Variants in ZBTB20 observed in about 807,000 individuals in gnomAD.
ZBTB20 encodes zinc finger and BTB domain-containing protein 20.
In ZBTB20, 9 loss-of-function variants were observed where a neutral mutation model predicts 56.9. The observed-to-expected ratio is 0.16, with a 90% CI of 0.10 to 0.28. The LOEUF is 0.28. Among genes scored for constraint, ZBTB20 ranks in the 10% least tolerant of loss-of-function variants. The pLI is 1.00. For synonymous variants in ZBTB20, 417 were observed against 420.7 expected (o/e 0.99, Z 0.11); for missense variants, 655 against 1,003.0 (o/e 0.65, Z 4.69).
chr3:114,778,241 A>C (rs1407670688), intron 5 of ZBTB20, among the ~76,000 whole-genome samples: 3 of 117,630 alleles, frequency 2.6e-5, no homozygotes, highest in African/African-American at 9.0e-5. Flanking sequence ...AACTTAAAGT[A>C]TGTTAATAAT....
chr3:114,339,241 A>C lies in ZBTB20; in HGVS notation c.1990T>G (p.Cys664Gly). 1.2e-6 allele frequency: 2 copies of C among 1,614,026 alleles called. No individual in the cohort carries two copies. Among genetic ancestry groups the C allele is most frequent in the Non-Finnish European group, 1.7e-6 (2 of 1,179,996 alleles). The stretch of plus-strand genomic sequence containing the variant: ...GAGAACTTCTTTTTGCAGATGTAGC[A>C]CTCGTAGGACTTCTCTCCCCGGTGG... ...RLHRGEKSYE[C>G]YICKKKFSHK... Residue 664 changes from cysteine (C) to glycine (G), a missense_variant, in exon 12 of 12, where the codon TGC (cysteine) becomes GGC (glycine). Physicochemically the swap from Cys to Gly is radical, Grantham distance 159. Transcript: ENST00000675478. This position sits in a 1 kb window ranked among gnomAD's most constrained non-coding sequence, Gnocchi z 4.2.
At chr3:114,554,290 T>A (rs2050930698) in intron 6 of ZBTB20, among the ~76,000 whole-genome samples, 1 of 152,184 alleles carries the variant, frequency 6.6e-6, no homozygotes, top group Non-Finnish European at 1.5e-5. Context: ...ATAGCACGTG[T>A]CCTTTTCTTT....
At chr3:114,515,895 T>G (rs995403065) in intron 6 of ZBTB20, among the ~76,000 whole-genome samples, 3 of 152,208 alleles carry the variant, frequency 2.0e-5, no homozygotes, top group Non-Finnish European at 4.4e-5. Flanking sequence ...AACCATCTTT[T>G]GCAGACTTTA....
At chr3:114,615,056 C>T (rs973238526) in intron 6 of ZBTB20, among the ~76,000 whole-genome samples, 4 of 152,076 alleles carry the variant, frequency 2.6e-5, no homozygotes, top group South Asian at 2.1e-4. Context: ...CATGAGCCAC[C>T]GCGCCCAGCC....
chr3:114,967,956 C>CAA (rs556742631), intron 3 of ZBTB20, among the ~76,000 whole-genome samples: 4 of 99,950 alleles, frequency 4.0e-5, no homozygotes, highest in Non-Finnish European at 6.8e-5. Flanking sequence ...GACTCTGTCT[C>CAA]AAAAAAAAAA....
At chr3:114,575,269 A>T (rs1342166926) in intron 6 of ZBTB20, among the ~76,000 whole-genome samples, 1 of 152,324 alleles carries the variant, frequency 6.6e-6, no homozygotes, top group East Asian at 1.9e-4. Flanking sequence ...ATCATGCCAC[A>T]TAGAAGGCTT....
rs1394385966 is a variant in ZBTB20 at position 114,338,455 on chromosome 3, T to C, written c.*550A>G. ...CCTTTTATGAAATCAGACAACGTGG[T>C]AGGTGGAAAACAGCAGGGCCTTTCC... On this transcript the variant is annotated 3_prime_UTR_variant, in exon 12 of 12. Coordinates refer to ENST00000675478, the MANE Select transcript of ZBTB20 (RefSeq NM_001348800.3). The C allele has an allele frequency of 6.6e-6, 1 of 152,222 alleles. No individual in the cohort carries two copies. Among genetic ancestry groups the C allele is most frequent in the East Asian group, 1.9e-4 (1 of 5,188 alleles). 9.4% of individuals were successfully genotyped at this position (152,222 alleles called of 1,614,324 possible).
intron 6 of ZBTB20, among the ~76,000 whole-genome samples, chr3:114,600,143 T>C (rs945092009): frequency 1.3e-5 from 2 of 152,044 alleles, no homozygotes; most frequent in Non-Finnish European, 2.9e-5. Flanking sequence ...TTCCTTTGCA[T>C]AATGGATATG....
At chr3:114,679,788 T>C (rs1199825577) in intron 6 of ZBTB20, among the ~76,000 whole-genome samples, 4 of 152,190 alleles carry the variant, frequency 2.6e-5, no homozygotes, top group Non-Finnish European at 5.9e-5. Context: ...TTACTGGGTA[T>C]ATACCCAAAA....
chr3:114,697,903 C>CA (rs921405616), intron 5 of ZBTB20, among the ~76,000 whole-genome samples: 2 of 151,944 alleles, frequency 1.3e-5, no homozygotes, highest in African/African-American at 4.8e-5. Context: ...TCAGCTCTCA[C>CA]AAAAAAATGG....
chr3:115,006,000 ATG>A (rs759034815), intron 2 of ZBTB20, among the ~76,000 whole-genome samples: 3 of 140,300 alleles, frequency 2.1e-5, no homozygotes, highest in Non-Finnish European at 4.8e-5. Context: ...ACATTGCCAA[ATG>A]TTTTTTTTTT....
intron 6 of ZBTB20, among the ~76,000 whole-genome samples, chr3:114,566,914 T>C (rs529960451): frequency 6.6e-6 from 1 of 152,214 alleles, no homozygotes; most frequent in Non-Finnish European, 1.5e-5. Context: ...TAATGGTTAG[T>C]GCTGAGAACA....
intron 7 of ZBTB20, among the ~76,000 whole-genome samples, chr3:114,476,002 TTAAGA>T (rs1333468543): frequency 6.6e-6 from 1 of 152,126 alleles, no homozygotes; most frequent in Non-Finnish European, 1.5e-5. Context: ...TTTTTCCCAA[TTAAGA>T]TATGTTCATG....
At chr3:114,884,781 T>C (rs1258100408) in intron 4 of ZBTB20, among the ~76,000 whole-genome samples, 1 of 152,186 alleles carries the variant, frequency 6.6e-6, no homozygotes, top group African/African-American at 2.4e-5. Context: ...TAACCCTTCA[T>C]TTTCAGTTTC....
chr3:114,970,919 G>A (rs774674780), intron 3 of ZBTB20, among the ~76,000 whole-genome samples: 38 of 151,968 alleles, frequency 2.5e-4, no homozygotes, highest in Non-Finnish European at 4.3e-4. Context: ...GGAGGCTAAG[G>A]CAGGAGAATA....
At chr3:114,742,136 C>T (rs1441499318) in intron 5 of ZBTB20, among the ~76,000 whole-genome samples, 1 of 152,050 alleles carries the variant, frequency 6.6e-6, no homozygotes, top group African/African-American at 2.4e-5. Flanking sequence ...CATAGGTCAA[C>T]CACCCATCAT....
chr3:114,771,841 T>G (rs1227892446), intron 5 of ZBTB20, among the ~76,000 whole-genome samples: 3 of 152,186 alleles, frequency 2.0e-5, no homozygotes. Flanking sequence ...GTTAGAACTT[T>G]CCTCTTCATT....
chr3:114,721,442 A>G (rs1161570047), intron 5 of ZBTB20, among the ~76,000 whole-genome samples: 2 of 152,210 alleles, frequency 1.3e-5, no homozygotes, highest in African/African-American at 4.8e-5. Context: ...TACAGGAAAT[A>G]ACATGTTCTA....
At chr3:115,089,637 G>A (rs577479128) in intron 1 of ZBTB20, among the ~76,000 whole-genome samples, 2 of 151,932 alleles carry the variant, frequency 1.3e-5, no homozygotes, top group South Asian at 2.1e-4. Flanking sequence ...GTAATAGAAA[G>A]AACAGAGACT....
Sources: allele counts gnomAD v4.1 joint callset (sites outside exome capture counted in the v4.1 genomes callset), GRCh38; gene constraint gnomAD v4.1.1; non-coding constraint Gnocchi (gnomAD v3.1); transcripts MANE v1.5; gene names NCBI Gene and HGNC (gene_info 2026-07-23, HGNC 2026-07-21).